The following ABCC6 variants were observed in gnomAD, a reference collection of about 807,000 sequenced individuals.
ABCC6 encodes the protein ATP binding cassette subfamily C member 6.
Under a neutral mutation model 169.5 loss-of-function variants are expected in ABCC6, and 126 were observed. The ratio of observed to expected loss-of-function variants is 0.74; its 90% CI spans 0.64 to 0.86. ABCC6 has a LOEUF of 0.86. ABCC6 is among the 40% of genes least tolerant of loss of function. ABCC6 has a pLI of 0.00. For missense variants in ABCC6, 1,733 were observed against 1,927.2 expected, an observed-to-expected ratio of 0.90 and a Z score of 1.89; for synonymous variants, 752 against 814.7, an observed-to-expected ratio of 0.92 and a Z score of 1.31.
chr16:16,223,156 A>G, intron 1 of ABCC6: 2 of 640,000 alleles, frequency 3.1e-6, no homozygotes, highest in South Asian at 1.8e-5. Flanking sequence ...AGCTTTATGC[A>G]AAGAAGAGTC....
At chr16:16,173,510 CTG>C in intron 20 of ABCC6, 106 bp from the exon 21 acceptor site, 2 of 1,334,542 alleles carry the variant, frequency 1.5e-6, no homozygotes, top group African/African-American at 1.4e-5. Flanking sequence ...TGGGTACACT[CTG>C]TACTCTTTCA....
intron 11 of ABCC6, among the ~76,000 whole-genome samples, chr16:16,191,692 C>T (rs2047861611): frequency 6.8e-6 from 1 of 146,490 alleles, no homozygotes; most frequent in South Asian, 2.3e-4. Flanking sequence ...CTCCCTCATT[C>T]CTTCTCTTCC....
At chr16:16,172,937 G>C in intron 21 of ABCC6, 3 of 346,974 alleles carry the variant, frequency 8.6e-6, no homozygotes, top group South Asian at 8.1e-5. Flanking sequence ...AGCTACTTGA[G>C]AGACTGAGGT....
At chr16:16,215,225 G>C (rs1476718899) in intron 4 of ABCC6, among the ~76,000 whole-genome samples, 2 of 152,078 alleles carry the variant, frequency 1.3e-5, no homozygotes, top group Non-Finnish European at 2.9e-5. Context: ...TCATCAGCTG[G>C]AGTTTACTTG....
At chr16:16,221,527 T>C (rs1240578454) in intron 2 of ABCC6, 122 bp downstream of exon 2, 3 of 1,505,116 alleles carry the variant, frequency 2.0e-6, no homozygotes, top group South Asian at 2.6e-5. Flanking sequence ...CTCTGTTTGA[T>C]TAACAGATTC....
intron 21 of ABCC6, 124 bp from the exon 22 acceptor site, chr16:16,169,977 C>T (rs1293419188): frequency 1.0e-6 from 1 of 995,200 alleles, no homozygotes; most frequent in East Asian, 2.6e-5. Context: ...ACGCAGACCT[C>T]ACTGGTTCTC....
chr16:16,179,136 A>G (rs942190086), intron 17 of ABCC6, among the ~76,000 whole-genome samples, 171 bp from the exon 18 acceptor site: 28 of 152,024 alleles, frequency 1.8e-4, no homozygotes, highest in African/African-American at 6.8e-4. Flanking sequence ...CAAGCCAACA[A>G]TGCCTCCATC....
chr16:16,211,381 A>G (rs896296713), intron 6 of ABCC6, among the ~76,000 whole-genome samples: 1 of 152,196 alleles, frequency 6.6e-6, no homozygotes, highest in Non-Finnish European at 1.5e-5. Flanking sequence ...AGCCTGGGCA[A>G]CAAGAACGGA....
At chr16:16,204,837 CTTT>C (rs869245358) in intron 7 of ABCC6, among the ~76,000 whole-genome samples, 5 of 140,148 alleles carry the variant, frequency 3.6e-5, no homozygotes, top group Non-Finnish European at 6.2e-5. Context: ...TTTTTCTTTT[CTTT>C]TTTTTTTTTT....
chr16:16,158,838 CTACTCTGT>C (rs1321324000), intron 26 of ABCC6, among the ~76,000 whole-genome samples: 2 of 152,022 alleles, frequency 1.3e-5, no homozygotes, highest in Non-Finnish European at 2.9e-5. Context: ...TGTTATGTTG[CTACTCTGT>C]TACTCTGTTA....
chr16:16,185,948 C>T (rs766980516), intron 14 of ABCC6, among the ~76,000 whole-genome samples: 31 of 152,258 alleles, frequency 2.0e-4, no homozygotes, highest in East Asian at 3.9e-4. Context: ...TTAAATTCAT[C>T]GTCACAATTA....
chr16:16,192,969 C>G (rs1183832766), intron 10 of ABCC6, 47 bp from the exon 11 acceptor site: 1 of 1,532,084 alleles, frequency 6.5e-7, no homozygotes, highest in Non-Finnish European at 9.0e-7. Flanking sequence ...AGGAGCCCAG[C>G]TCTCAGAGGC....
At chr16:16,180,634 AG>A (rs2047436862) in intron 17 of ABCC6, among the ~76,000 whole-genome samples, 1 of 152,084 alleles carries the variant, frequency 6.6e-6, no homozygotes, top group Non-Finnish European at 1.5e-5. Flanking sequence ...CTGGGATTAC[AG>A]GTACGCCACC....
chr16:16,208,680 G>A, intron 7 of ABCC6, 48 bp downstream of exon 7: 1 of 1,613,442 alleles, frequency 6.2e-7, no homozygotes, highest in Non-Finnish European at 8.5e-7. Context: ...CCAATGATGA[G>A]CTTTTCTGAA....
intron 4 of ABCC6, 109 bp downstream of exon 4, chr16:16,219,445 T>C (rs1274426438): frequency 1.6e-6 from 1 of 634,908 alleles, no homozygotes. Flanking sequence ...GGCTTGTGTG[T>C]GTCACTGTAT....
chr16:16,180,865 G>A (rs1170553424), intron 17 of ABCC6, among the ~76,000 whole-genome samples: 1 of 152,176 alleles, frequency 6.6e-6, no homozygotes, highest in Non-Finnish European at 1.5e-5. Context: ...ATGGTTCTAG[G>A]CTCTGGAGAA....
chr16:16,199,957 A>G (rs2048182732), intron 9 of ABCC6, among the ~76,000 whole-genome samples: 1 of 151,906 alleles, frequency 6.6e-6, no homozygotes, highest in Admixed American at 6.6e-5. Flanking sequence ...AATCCCAGCT[A>G]TTTGGGAGGG....
rs746045818 is a variant in ABCC6 at position 16,163,022 on chromosome 16, C to G, written c.3477G>C (p.Arg1159Ser). 1 of 1,614,102 alleles carries G rather than the reference C, an allele frequency of 6.2e-7. No homozygotes were observed. Among genetic ancestry groups the G allele is most frequent in the Non-Finnish European group, 8.5e-7 (1 of 1,180,032 alleles). ...CAGCCACCAGTCGCGGGAAACTGATCCTCTGGCTTTCATCTACGCGAGCAT... is the reference window on the plus strand; with the variant it reads ...CAGCCACCAGTCGCGGGAAACTGATGCTCTGGCTTTCATCTACGCGAGCAT... Reference protein sequence around the residue: ...QNNARVDESQRISFPRLVADR... With the variant: ...QNNARVDESQSISFPRLVADR... Residue 1159 changes from arginine (R) to serine (S), a missense_variant, in exon 24 of 31, where the codon AGG (arginine) becomes AGC (serine). Coordinates refer to ENST00000205557, the MANE Select transcript of ABCC6 (RefSeq NM_001171.6).
At chr16:16,153,306 T>C (rs2046442600) in intron 29 of ABCC6, among the ~76,000 whole-genome samples, 1 of 152,206 alleles carries the variant, frequency 6.6e-6, no homozygotes, top group Non-Finnish European at 1.5e-5. Flanking sequence ...TACTGGCAGA[T>C]AAACGGATAA....
Sources: allele counts gnomAD v4.1 joint callset (sites outside exome capture counted in the v4.1 genomes callset), GRCh38; gene constraint gnomAD v4.1.1; transcripts MANE v1.5; gene names NCBI Gene and HGNC (gene_info 2026-07-23, HGNC 2026-07-21).